The following TTC28 variants were observed in gnomAD, a reference collection of about 807,000 sequenced individuals.
TTC28 encodes the protein tetratricopeptide repeat protein 28.
In TTC28, 61 loss-of-function variants were observed where a neutral mutation model predicts 198.0. The observed-to-expected ratio is 0.31, with a 90% CI of 0.25 to 0.38. TTC28 has a LOEUF of 0.38. TTC28 is among the 10% of genes least tolerant of loss of function. The pLI, the probability that TTC28 is intolerant of heterozygous loss-of-function variation, is 1.00. For synonymous variants in TTC28, 1,171 were observed against 1,297.8 expected, an observed-to-expected ratio of 0.90 and a Z score of 2.10; for missense variants, 2,678 against 3,164.0, an observed-to-expected ratio of 0.85 and a Z score of 3.69.
chr22:28,269,376 G>A (rs1216809045), intron 5 of TTC28, among the ~76,000 whole-genome samples: 1 of 151,986 alleles, frequency 6.6e-6, no homozygotes, highest in Admixed American at 6.6e-5. Context: ...CTGCTTTCAA[G>A]TTGTTGTGGT....
At chr22:28,089,365 G>A (rs1941734246) in intron 12 of TTC28, among the ~76,000 whole-genome samples, 1 of 151,868 alleles carries the variant, frequency 6.6e-6, no homozygotes, top group Admixed American at 6.6e-5. Flanking sequence ...TCCTTTGTAG[G>A]GACATGGATG....
At chr22:28,261,470 C>T (rs978205920) in intron 5 of TTC28, among the ~76,000 whole-genome samples, 1 of 152,072 alleles carries the variant, frequency 6.6e-6, no homozygotes, top group East Asian at 1.9e-4. Flanking sequence ...TCTTGTAAGG[C>T]CACTCAAAGG....
At chr22:28,598,989 G>C (rs561596554) in intron 2 of TTC28, among the ~76,000 whole-genome samples, 1 of 152,138 alleles carries the variant, frequency 6.6e-6, no homozygotes. Flanking sequence ...CACAAGCACA[G>C]GCAAGATTCT....
chr22:28,533,100 AAAG>A (rs1244581206), intron 2 of TTC28, among the ~76,000 whole-genome samples: 4 of 152,212 alleles, frequency 2.6e-5, no homozygotes, highest in Non-Finnish European at 5.9e-5. Flanking sequence ...TCGATTAGGA[AAAG>A]AAGAAGTCAA....
chr22:28,412,545 T>C (rs1489655872), intron 2 of TTC28, among the ~76,000 whole-genome samples: 1 of 152,232 alleles, frequency 6.6e-6, no homozygotes, highest in Non-Finnish European at 1.5e-5. Flanking sequence ...AAATGTATGA[T>C]GATCCCACTA....
intron 2 of TTC28, among the ~76,000 whole-genome samples, chr22:28,559,624 T>C (rs1237499023): frequency 6.6e-6 from 1 of 152,220 alleles, no homozygotes; most frequent in Admixed American, 6.5e-5. Context: ...TCATCCATCC[T>C]ATAACCAAAG....
intron 5 of TTC28, among the ~76,000 whole-genome samples, chr22:28,221,661 G>A (rs1020477989): frequency 1.3e-5 from 2 of 152,006 alleles, no homozygotes; most frequent in African/African-American, 2.4e-5. Context: ...TCCTAAACAG[G>A]GCACGGACTT....
In TTC28 at chr22:28,557,072, TGAAA is replaced by T. The variant is rs547802008; in HGVS notation, c.381+72476_381+72479del. On this transcript the variant is annotated intron_variant, in intron 2 of 22. Coordinates refer to ENST00000397906, the MANE Select transcript of TTC28 (RefSeq NM_001145418.2). ...TGTGAGTGAGGACAATATAAGGGTGTGAAAGAAAGAATCATTCGGGATCATCTTG... is the reference window on the plus strand; with the variant it reads ...TGTGAGTGAGGACAATATAAGGGTGTGAAAGAATCATTCGGGATCATCTTG... 1.7e-3 allele frequency among the ~76,000 whole-genome samples: 252 copies of T among 152,308 alleles called. 1 individual carries two copies. Among genetic ancestry groups the T allele is most frequent in the South Asian group, 0.011 (54 of 4,826 alleles).
chr22:28,387,123 T>A (rs2046618984), intron 2 of TTC28, among the ~76,000 whole-genome samples: 1 of 152,164 alleles, frequency 6.6e-6, no homozygotes. Flanking sequence ...GATAGTTTGC[T>A]GAGAATGATG....
chr22:28,486,666 A>G (rs868813157), intron 2 of TTC28, among the ~76,000 whole-genome samples: 2 of 152,194 alleles, frequency 1.3e-5, no homozygotes, highest in African/African-American at 4.8e-5. Flanking sequence ...ACGGAAGGCC[A>G]ATTGTAAAGT....
intron 5 of TTC28, among the ~76,000 whole-genome samples, chr22:28,208,041 T>C (rs1443596284): frequency 1.3e-5 from 2 of 152,136 alleles, no homozygotes; most frequent in Admixed American, 6.5e-5. Context: ...CCTATACCTA[T>C]GATCACTAAA....
At chr22:28,591,708 T>C (rs1455627494) in intron 2 of TTC28, among the ~76,000 whole-genome samples, 2 of 152,222 alleles carry the variant, frequency 1.3e-5, no homozygotes. Context: ...TGAATTCACA[T>C]TGGTTTCTAT....
intron 2 of TTC28, among the ~76,000 whole-genome samples, chr22:28,419,713 CAAAAG>C (rs1162502686): frequency 3.3e-5 from 5 of 152,136 alleles, no homozygotes; most frequent in Non-Finnish European, 7.4e-5. Context: ...CTGATCATGA[CAAAAG>C]AAACTATTTC....
chr22:28,442,873 C>T (rs1208665041), intron 2 of TTC28: 2 of 152,482 alleles, frequency 1.3e-5, no homozygotes, highest in African/African-American at 2.4e-5. Context: ...ATTCCCCTCT[C>T]CAGGACACTT....
intron 2 of TTC28, among the ~76,000 whole-genome samples, chr22:28,466,472 T>G (rs1248320398): frequency 1.3e-5 from 2 of 152,168 alleles, no homozygotes; most frequent in African/African-American, 4.8e-5. Context: ...TAATACTATA[T>G]AAGATATGGT....
At chr22:28,236,939 T>C (rs1170629737) in intron 5 of TTC28, among the ~76,000 whole-genome samples, 1 of 152,190 alleles carries the variant, frequency 6.6e-6, no homozygotes, top group African/African-American at 2.4e-5. Flanking sequence ...AAGGTTAATC[T>C]TTCCTTGCCT....
intron 10 of TTC28, among the ~76,000 whole-genome samples, chr22:28,098,463 G>A (rs1942037721): frequency 6.6e-6 from 1 of 152,178 alleles, no homozygotes; most frequent in Non-Finnish European, 1.5e-5. Flanking sequence ...TGTGATCCCA[G>A]CCCTTTGGGA....
chr22:28,336,744 G>C (rs1002360147), intron 2 of TTC28, among the ~76,000 whole-genome samples: 1 of 151,166 alleles, frequency 6.6e-6, no homozygotes, highest in Non-Finnish European at 1.5e-5. Flanking sequence ...TTCTTTATTC[G>C]TCTTGCTAGC....
chr22:28,085,686 T>C (rs2146826265), intron 12 of TTC28, among the ~76,000 whole-genome samples: 1 of 152,102 alleles, frequency 6.6e-6, no homozygotes, highest in African/African-American at 2.4e-5. Context: ...GTAAATGGAC[T>C]AAATGCTCCA....
Sources: gnomAD v4.1 joint callset for allele counts (sites outside exome capture counted in the v4.1 genomes callset) on GRCh38, gnomAD v4.1.1 for gene constraint, MANE v1.5 for transcripts, NCBI Gene and HGNC (gene_info 2026-07-23, HGNC 2026-07-21) for gene names.